UBE2W: variants seen among roughly 807,000 people sequenced by gnomAD.
UBE2W encodes the protein ubiquitin conjugating enzyme E2 W.
UBE2W carries 18 observed loss-of-function variants against 27.2 expected under a neutral mutation model. That is an observed-to-expected ratio of 0.66 (90% confidence interval 0.46 to 0.98). The LOEUF is 0.98. UBE2W is among the 50% of genes least tolerant of loss of function. The probability of loss-of-function intolerance (pLI) is 0.00; values close to 1 mark genes in which losing one functional copy is unlikely to be tolerated. For missense variants in UBE2W, 90 were observed against 180.2 expected, an observed-to-expected ratio of 0.50 and a Z score of 2.87; for synonymous variants, 53 against 57.2, an observed-to-expected ratio of 0.93 and a Z score of 0.33.
intron 1 of UBE2W, among the ~76,000 whole-genome samples, chr8:73,861,171 T>C (rs1257368305): frequency 6.6e-6 from 1 of 152,060 alleles, no homozygotes; most frequent in African/African-American, 2.4e-5. Context: ...TCACTAATAA[T>C]AGTTGCTAAA....
Position 73,794,022 on chromosome 8 carries a change from T to TA in UBE2W, c.*79dup. The TA allele has an allele frequency of 6.3e-7, 1 of 1,597,986 alleles. No homozygotes were observed. Among genetic ancestry groups the TA allele is most frequent in the Non-Finnish European group, 8.5e-7 (1 of 1,173,192 alleles). The stretch of plus-strand genomic sequence containing the variant: ...CTATAGGTCACTTCCAGTCAAAGGT[T>TA]AAAGTTCAAAGACTGAATGATCAAA... On this transcript the variant is annotated 3_prime_UTR_variant, in exon 6 of 6. Coordinates refer to ENST00000602593, the MANE Select transcript of UBE2W (RefSeq NM_018299.6).
At chr8:73,818,672 G>A (rs1284567846) in intron 3 of UBE2W, among the ~76,000 whole-genome samples, 1 of 152,202 alleles carries the variant, frequency 6.6e-6, no homozygotes, top group African/African-American at 2.4e-5. Flanking sequence ...CCTGGTGGGA[G>A]GTGTGTGGGT....
downstream of UBE2W, among the ~76,000 whole-genome samples, chr8:73,782,845 A>G (rs183882182): frequency 1.1e-3 from 165 of 152,338 alleles, no homozygotes; most frequent in African/African-American, 3.6e-3. Context: ...AGAAACTGCC[A>G]AATTATTTTC....
At chr8:73,856,644 T>C (rs912989920) in intron 1 of UBE2W, among the ~76,000 whole-genome samples, 1 of 151,284 alleles carries the variant, frequency 6.6e-6, no homozygotes, top group African/African-American at 2.4e-5. Context: ...CATGAGCCAC[T>C]GTGTCTGGCC....
intron 1 of UBE2W, among the ~76,000 whole-genome samples, chr8:73,846,943 C>T (rs1215090109): frequency 1.3e-5 from 2 of 152,110 alleles, no homozygotes; most frequent in East Asian, 3.9e-4. Context: ...GAGGCCGAGG[C>T]GGGTGGATCA....
intron 1 of UBE2W, among the ~76,000 whole-genome samples, chr8:73,832,325 A>T (rs1810108237): frequency 6.6e-6 from 1 of 152,016 alleles, no homozygotes; most frequent in Non-Finnish European, 1.5e-5. Flanking sequence ...AATTAGAAAA[A>T]TCATAACAAA....
intron 4 of UBE2W, among the ~76,000 whole-genome samples, chr8:73,806,963 G>T (rs544412023): frequency 6.6e-6 from 1 of 152,244 alleles, no homozygotes; most frequent in Admixed American, 6.5e-5. Flanking sequence ...GCTCCGCAAG[G>T]GAGCTACCGC....
intron 1 of UBE2W, among the ~76,000 whole-genome samples, chr8:73,865,486 C>T (rs1317015459): frequency 6.6e-6 from 1 of 152,136 alleles, no homozygotes; most frequent in East Asian, 1.9e-4. Context: ...GTGGTGTGCA[C>T]CTGTAGTCTC....
chr8:73,781,695 C>T (rs1396258789), downstream of UBE2W, among the ~76,000 whole-genome samples: 2 of 151,350 alleles, frequency 1.3e-5, no homozygotes, highest in Non-Finnish European at 1.5e-5. Context: ...TCTTCTTACC[C>T]CAGCCTCCCA....
At chr8:73,844,017 T>C (rs547097801) in intron 1 of UBE2W, among the ~76,000 whole-genome samples, 1 of 152,098 alleles carries the variant, frequency 6.6e-6, no homozygotes, top group Non-Finnish European at 1.5e-5. Flanking sequence ...ACAATAATAA[T>C]GCCTGAGAAT....
chr8:73,853,428 T>C (rs1425724800), intron 1 of UBE2W, among the ~76,000 whole-genome samples: 2 of 152,180 alleles, frequency 1.3e-5, no homozygotes, highest in African/African-American at 4.8e-5. Context: ...CATGCCCAGC[T>C]AGTTTATTTT....
chr8:73,867,641 G>A (rs1304955151), intron 1 of UBE2W, among the ~76,000 whole-genome samples: 1 of 151,984 alleles, frequency 6.6e-6, no homozygotes, highest in Non-Finnish European at 1.5e-5. Flanking sequence ...AACCTGGGAG[G>A]TGAAGGTTTC....
At chr8:73,781,929 C>CTTTTTTTTTTTT (rs71269945), downstream of UBE2W, among the ~76,000 whole-genome samples, 1 of 96,012 alleles carries the variant, frequency 1.0e-5, no homozygotes, top group African/African-American at 3.8e-5. Context: ...TAAAAGCCTC[C>CTTTTTTTTTTTT]TTTTTTTTTT....
chr8:73,868,870 G>A (rs1249104023), intron 1 of UBE2W, among the ~76,000 whole-genome samples: 1 of 152,132 alleles, frequency 6.6e-6, no homozygotes, highest in Non-Finnish European at 1.5e-5. Flanking sequence ...CCTCCTACAT[G>A]CAAGGTATAT....
intron 3 of UBE2W, among the ~76,000 whole-genome samples, chr8:73,813,651 G>A (rs1809266003): frequency 8.7e-6 from 1 of 115,112 alleles, no homozygotes; most frequent in Non-Finnish European, 1.9e-5. Context: ...ACATGCCAGA[G>A]GTGAATTTAC....
chr8:73,793,134 A>C lies in UBE2W; in HGVS notation c.*968T>G, dbSNP rs1808271863. The C allele has an allele frequency of 1.0e-6, 1 of 985,842 alleles. No homozygotes were observed. Among genetic ancestry groups the C allele is most frequent in the Non-Finnish European group, 1.2e-6 (1 of 829,906 alleles). The allele number at this position is 985,842 out of a possible 1,614,324, so 61.1% of individuals were successfully genotyped here. ...CAAAAGAAACAAGATTGCAAACAAAAATGTTTACGGGGTTTCCAAACATAA... is the reference window on the plus strand; with the variant it reads ...CAAAAGAAACAAGATTGCAAACAAACATGTTTACGGGGTTTCCAAACATAA... On this transcript the variant is annotated 3_prime_UTR_variant, in exon 6 of 6. Coordinates refer to ENST00000602593, the MANE Select transcript of UBE2W (RefSeq NM_018299.6).
At chr8:73,866,390 A>G (rs1167582458) in intron 1 of UBE2W, among the ~76,000 whole-genome samples, 2 of 148,694 alleles carry the variant, frequency 1.3e-5, no homozygotes, top group African/African-American at 4.9e-5. Flanking sequence ...TATCTGAGGA[A>G]CAGCTCTCCA....
At chr8:73,781,890 T>C (rs958550215), downstream of UBE2W, among the ~76,000 whole-genome samples, 1 of 151,718 alleles carries the variant, frequency 6.6e-6, no homozygotes, top group Non-Finnish European at 1.5e-5. Flanking sequence ...ATACCTTATT[T>C]CAGGCAGCCA....
intron 1 of UBE2W, among the ~76,000 whole-genome samples, chr8:73,839,896 TAA>T (rs1810471083): frequency 6.6e-6 from 1 of 151,720 alleles, no homozygotes; most frequent in Admixed American, 6.6e-5. Flanking sequence ...CACACCTGGC[TAA>T]ATTTTGTATT....
Sources: allele counts gnomAD v4.1 joint callset (sites outside exome capture counted in the v4.1 genomes callset), GRCh38; gene constraint gnomAD v4.1.1; transcripts MANE v1.5; gene names NCBI Gene and HGNC (gene_info 2026-07-23, HGNC 2026-07-21).